PSMA1: variants seen among roughly 807,000 people sequenced by gnomAD.
PSMA1 encodes proteasome 20S subunit alpha 1, also known as proteasome subunit alpha type-1.
A neutral mutation model predicts 38.4 loss-of-function variants in PSMA1; 3 were observed. The ratio of observed to expected loss-of-function variants is 0.08; its 90% CI spans 0.04 to 0.20. The LOEUF (loss-of-function observed/expected upper bound fraction) is 0.20, where lower values mean the gene tolerates loss of function less well. PSMA1 is among the 10% of genes least tolerant of loss of function. The probability of loss-of-function intolerance (pLI) is 1.00; values close to 1 mark genes in which losing one functional copy is unlikely to be tolerated. For missense variants in PSMA1, 227 were observed against 325.3 expected, an observed-to-expected ratio of 0.70 and a Z score of 2.32; for synonymous variants, 101 against 107.1, an observed-to-expected ratio of 0.94 and a Z score of 0.35.
intron 2 of PSMA1, among the ~76,000 whole-genome samples, chr11:14,535,996 T>G (rs1445031009): frequency 6.6e-6 from 1 of 152,110 alleles, no homozygotes. Flanking sequence ...ATATCTCTTT[T>G]GTTGGTCCAC....
chr11:14,626,153 T>G (rs1451483993), intron 1 of PSMA1, among the ~76,000 whole-genome samples: 2 of 151,644 alleles, frequency 1.3e-5, no homozygotes, highest in Non-Finnish European at 2.9e-5. Context: ...TTTTCCCTAT[T>G]TACAGTTTTT....
At chr11:14,604,439 T>C (rs997871016) in intron 2 of PSMA1, among the ~76,000 whole-genome samples, 1 of 152,176 alleles carries the variant, frequency 6.6e-6, no homozygotes, top group African/African-American at 2.4e-5. Context: ...AGGGCCCCAA[T>C]GCAAAGATAA....
At chr11:14,617,827 C>T (rs1186259066) in intron 1 of PSMA1, among the ~76,000 whole-genome samples, 1 of 151,882 alleles carries the variant, frequency 6.6e-6, no homozygotes, top group African/African-American at 2.4e-5. Flanking sequence ...GTGTAAGGAA[C>T]AACACAGCCT....
At chr11:14,540,550 C>T (rs1365800636) in intron 2 of PSMA1, among the ~76,000 whole-genome samples, 3 of 152,078 alleles carry the variant, frequency 2.0e-5, no homozygotes, top group Non-Finnish European at 4.4e-5. Flanking sequence ...AAAGCTGATA[C>T]CTGATGGATT....
intron 2 of PSMA1, among the ~76,000 whole-genome samples, chr11:14,594,053 A>T (rs1264209604): frequency 6.6e-6 from 1 of 152,244 alleles, no homozygotes; most frequent in Non-Finnish European, 1.5e-5. Flanking sequence ...AGAGGCACAT[A>T]GGAAGAGATG....
At chr11:14,557,867 C>A (rs999359472) in intron 2 of PSMA1, among the ~76,000 whole-genome samples, 7 of 152,214 alleles carry the variant, frequency 4.6e-5, no homozygotes, top group Non-Finnish European at 1.0e-4. Context: ...TTTCTTTCTA[C>A]CTACACCCCA....
chr11:14,533,324 T>A (rs1851669628), intron 2 of PSMA1, among the ~76,000 whole-genome samples: 1 of 152,188 alleles, frequency 6.6e-6, no homozygotes, highest in Admixed American at 6.5e-5. Flanking sequence ...GGTGCTGGGA[T>A]TCCCTTTTGT....
intron 2 of PSMA1, among the ~76,000 whole-genome samples, chr11:14,595,446 T>C (rs1852476822): frequency 6.6e-6 from 1 of 152,250 alleles, no homozygotes; most frequent in African/African-American, 2.4e-5. Context: ...ACTGCCATAC[T>C]AACTAGCATG....
chr11:14,591,547 G>T (rs1384344756), intron 2 of PSMA1, among the ~76,000 whole-genome samples: 1 of 152,206 alleles, frequency 6.6e-6, no homozygotes, highest in East Asian at 1.9e-4. Context: ...CGGGGCCTTG[G>T]AGAGTCTTTA....
At chr11:14,583,016 C>G (rs1266300024) in intron 2 of PSMA1, among the ~76,000 whole-genome samples, 1 of 152,188 alleles carries the variant, frequency 6.6e-6, no homozygotes, top group Non-Finnish European at 1.5e-5. Flanking sequence ...ATTTTAACAG[C>G]TCTGCGCTCA....
At chr11:14,613,387 G>A (rs1303386873) in intron 1 of PSMA1, among the ~76,000 whole-genome samples, 1 of 150,618 alleles carries the variant, frequency 6.6e-6, no homozygotes, top group Non-Finnish European at 1.5e-5. Flanking sequence ...AAGTAGCTGG[G>A]ATTACAGGTG....
intron 2 of PSMA1, among the ~76,000 whole-genome samples, chr11:14,531,298 G>A (rs948587445): frequency 2.6e-5 from 4 of 151,982 alleles, no homozygotes; most frequent in Non-Finnish European, 5.9e-5. Context: ...CACTCAAATC[G>A]ACCCTGGGGT....
chr11:14,587,936 A>C (rs1178459862), intron 2 of PSMA1, among the ~76,000 whole-genome samples: 1 of 152,224 alleles, frequency 6.6e-6, no homozygotes, highest in Non-Finnish European at 1.5e-5. Context: ...ACTTCCTCTG[A>C]AATTTAATTT....
At chr11:14,528,244 G>A (rs991176543) in intron 2 of PSMA1, among the ~76,000 whole-genome samples, 13 of 152,084 alleles carry the variant, frequency 8.5e-5, no homozygotes, top group Middle Eastern at 6.8e-3. Flanking sequence ...AAACAATAAC[G>A]TTGAACCCCC....
chr11:14,522,334 C>A (rs1181583299), upstream of PSMA1, among the ~76,000 whole-genome samples: 1 of 152,068 alleles, frequency 6.6e-6, no homozygotes, highest in Non-Finnish European at 1.5e-5. Context: ...AATGAATATT[C>A]TTGTACATAC....
At chr11:14,597,895 T>A (rs944792147) in intron 2 of PSMA1, among the ~76,000 whole-genome samples, 1 of 152,104 alleles carries the variant, frequency 6.6e-6, no homozygotes, top group African/African-American at 2.4e-5. Flanking sequence ...TAGTGCTATA[T>A]ATTTCCCTCT....
intron 2 of PSMA1, among the ~76,000 whole-genome samples, chr11:14,584,513 T>TG (rs1478235182): frequency 1.4e-4 from 21 of 147,210 alleles, no homozygotes; most frequent in Admixed American, 4.1e-4. Flanking sequence ...TTTTGTTTTT[T>TG]TTTTTTTTTT....
At chr11:14,518,253 C>G (rs1222453831) in intron 2 of PSMA1, among the ~76,000 whole-genome samples, 1 of 152,074 alleles carries the variant, frequency 6.6e-6, no homozygotes, top group Admixed American at 6.5e-5. Flanking sequence ...AGGCAAGCAC[C>G]ACCACGCCCA....
intron 2 of PSMA1, among the ~76,000 whole-genome samples, chr11:14,589,777 G>T (rs1324723397): frequency 6.6e-6 from 1 of 152,124 alleles, no homozygotes; most frequent in Non-Finnish European, 1.5e-5. Context: ...GCATTCCTGG[G>T]CCTGGGGTTA....
Sources: gnomAD v4.1 joint callset for allele counts (sites outside exome capture counted in the v4.1 genomes callset) on GRCh38, gnomAD v4.1.1 for gene constraint, MANE v1.5 for transcripts, NCBI Gene and HGNC (gene_info 2026-07-23, HGNC 2026-07-21) for gene names.